Variants in CNTNAP4 observed in about 807,000 individuals in gnomAD.
CNTNAP4 encodes the protein contactin associated protein family member 4.
In CNTNAP4, 98 loss-of-function variants were observed where a neutral mutation model predicts 148.4. The observed-to-expected ratio is 0.66, with a 90% CI of 0.56 to 0.78. The LOEUF (loss-of-function observed/expected upper bound fraction) is 0.78. Among genes scored for constraint, CNTNAP4 ranks in the 30% least tolerant of loss-of-function variants. The probability of loss-of-function intolerance (pLI) is 0.00; values close to 1 mark genes in which losing one functional copy is unlikely to be tolerated. For missense variants in CNTNAP4, 1,935 were observed against 1,565.6 expected (o/e 1.24, Z -3.98); for synonymous variants, 730 against 565.1 (o/e 1.29, Z -4.14).
In CNTNAP4 at chr16:76,418,188, A is replaced by C. The variant is rs576012138; in HGVS notation, c.391-9264A>C. 7.2e-5 allele frequency among the ~76,000 whole-genome samples: 11 copies of C among 151,760 alleles called. No homozygotes were observed. The South Asian group carries it at 1.9e-3, about 26-fold the overall frequency. On this transcript the variant is annotated intron_variant, in intron 3 of 23. Transcript: ENST00000611870. The stretch of plus-strand genomic sequence containing the variant: ...AAAGTTATTGGCCATTATTACTTCA[A>C]GTATTTCTTTGATCTATTATCTTTT...
chr16:76,451,767 AC>A (rs544197234), intron 7 of CNTNAP4, among the ~76,000 whole-genome samples: 1 of 152,204 alleles, frequency 6.6e-6, no homozygotes, highest in East Asian at 1.9e-4. Flanking sequence ...GTTAATGGGT[AC>A]AAAAATATGA....
chr16:76,476,090 T>C (rs1257915324), intron 11 of CNTNAP4, 45 bp downstream of exon 11: 1 of 1,331,672 alleles, frequency 7.5e-7, no homozygotes, highest in East Asian at 2.3e-5. Flanking sequence ...TGATGGTTTC[T>C]TTGTCCCATT....
intron 21 of CNTNAP4, among the ~76,000 whole-genome samples, chr16:76,547,187 T>C (rs577345114): frequency 6.6e-6 from 1 of 152,294 alleles, no homozygotes; most frequent in African/African-American, 2.4e-5. Context: ...CTCTCTAGGA[T>C]GTAATTAATT....
chr16:76,329,456 C>A (rs956665102), intron 2 of CNTNAP4, among the ~76,000 whole-genome samples: 4 of 152,280 alleles, frequency 2.6e-5, no homozygotes, highest in African/African-American at 9.6e-5. Context: ...TTCCCGTGCA[C>A]TATCTCCTTT....
chr16:76,432,678 A>C (rs1422943305), intron 4 of CNTNAP4: 2 of 152,210 alleles, frequency 1.3e-5, no homozygotes, highest in East Asian at 3.9e-4. Context: ...CTTAGGAAGC[A>C]GCAATTAAAC....
At chr16:76,455,168 G>A (rs867652738) in intron 8 of CNTNAP4, among the ~76,000 whole-genome samples, 16 of 152,052 alleles carry the variant, frequency 1.1e-4, no homozygotes, top group Middle Eastern at 3.2e-3. Context: ...ATTTTTAGTC[G>A]TTGCCACCTT....
intron 3 of CNTNAP4, among the ~76,000 whole-genome samples, chr16:76,368,528 T>G (rs2144606373): frequency 6.6e-6 from 1 of 152,252 alleles, no homozygotes; most frequent in South Asian, 2.1e-4. Context: ...TGCAGGGACA[T>G]GGATGAAGCT....
chr16:76,500,279 G>A (rs1597747405), intron 15 of CNTNAP4, among the ~76,000 whole-genome samples: 2 of 152,344 alleles, frequency 1.3e-5, no homozygotes, highest in African/African-American at 4.8e-5. Flanking sequence ...GGGCTGTATT[G>A]TGAACATTTT....
intron 2 of CNTNAP4, among the ~76,000 whole-genome samples, chr16:76,342,417 G>C (rs780348205): frequency 6.6e-6 from 1 of 150,894 alleles, no homozygotes; most frequent in Non-Finnish European, 1.5e-5. Flanking sequence ...ATTGAGTTTG[G>C]CTGACTCTAC....
At chr16:76,555,993 G>A (rs1014074680) in intron 23 of CNTNAP4, among the ~76,000 whole-genome samples, 2 of 152,146 alleles carry the variant, frequency 1.3e-5, no homozygotes, top group Non-Finnish European at 2.9e-5. Context: ...TACACAATCT[G>A]GTAGAACTGT....
intron 8 of CNTNAP4, among the ~76,000 whole-genome samples, chr16:76,459,414 C>T (rs1305480273): frequency 1.3e-5 from 2 of 151,298 alleles, no homozygotes; most frequent in African/African-American, 4.8e-5. Flanking sequence ...TATTATCTTA[C>T]ACAAACCAAA....
intron 3 of CNTNAP4, among the ~76,000 whole-genome samples, chr16:76,412,244 C>G (rs142708345): frequency 2.0e-5 from 3 of 151,434 alleles, no homozygotes; most frequent in African/African-American, 7.2e-5. Context: ...AAAATCCATT[C>G]TATAATTGGA....
At chr16:76,468,944 T>A (rs140625542) in intron 10 of CNTNAP4, among the ~76,000 whole-genome samples, 34 of 152,292 alleles carry the variant, frequency 2.2e-4, no homozygotes, top group African/African-American at 7.7e-4. Flanking sequence ...GCCTCTACCC[T>A]GTAGTAATGT....
intron 3 of CNTNAP4, among the ~76,000 whole-genome samples, chr16:76,420,280 A>ATGTATATTCTGTAGAATAT (rs1330005955): frequency 1.4e-4 from 10 of 73,892 alleles, no homozygotes; most frequent in Non-Finnish European, 1.8e-4. Flanking sequence ...ATAGGAGATA[A>ATGTATATTCTGTAGAATAT]ATATTAATTT....
chr16:76,503,016 T>G (rs2082712011), intron 15 of CNTNAP4, among the ~76,000 whole-genome samples: 2 of 152,214 alleles, frequency 1.3e-5, no homozygotes, highest in African/African-American at 4.8e-5. Context: ...TTTCAAAGCT[T>G]TCTTTTCGTT....
In CNTNAP4 at chr16:76,558,549, T is replaced by A. The variant is rs1597165663; in HGVS notation, c.3793T>A (p.Tyr1265Asn). Residue 1265 changes from tyrosine to asparagine, a missense_variant, in exon 24 of 24, where the codon TAT becomes AAT. Physicochemically the swap from Tyr to Asn is moderately radical, Grantham distance 143. Coordinates refer to ENST00000611870, the MANE Select transcript of CNTNAP4 (RefSeq NM_033401.5). Reference sequence around the variant, plus strand: ...CATCACTGCCATAGCTGTTCGCATTTATCAGCAGAAAAGGTTATATAAAAG... The same window carrying A: ...CATCACTGCCATAGCTGTTCGCATTAATCAGCAGAAAAGGTTATATAAAAG... ...LCITAIAVRI[Y>N]QQKRLYKRSE... The A allele has an allele frequency of 6.2e-7, 1 of 1,611,976 alleles. No homozygotes were observed. The highest frequency in any genetic ancestry group is 1.3e-5 in the African/African-American group (1 of 74,992).
intron 3 of CNTNAP4, among the ~76,000 whole-genome samples, chr16:76,359,841 G>A (rs1341552254): frequency 6.6e-6 from 1 of 152,084 alleles, no homozygotes; most frequent in African/African-American, 2.4e-5. Flanking sequence ...TAAACATAAG[G>A]TATAATTTTC....
At chr16:76,368,326 G>C (rs1375936321) in intron 3 of CNTNAP4, among the ~76,000 whole-genome samples, 1 of 151,976 alleles carries the variant, frequency 6.6e-6, no homozygotes, top group African/African-American at 2.4e-5. Context: ...AGCCACACAG[G>C]GTCACTGAAA....
chr16:76,489,595 A>G (rs1308460290), intron 12 of CNTNAP4, 91 bp from the exon 13 acceptor site: 1 of 676,320 alleles, frequency 1.5e-6, no homozygotes, highest in Non-Finnish European at 2.3e-6. Context: ...TTTGACTCAG[A>G]TAAAAGGTGA....
Sources: allele counts gnomAD v4.1 joint callset (sites outside exome capture counted in the v4.1 genomes callset), GRCh38; gene constraint gnomAD v4.1.1; transcripts MANE v1.5; gene names NCBI Gene and HGNC (gene_info 2026-07-23, HGNC 2026-07-21).